The following CASD1 variants were observed in gnomAD, a reference collection of about 807,000 sequenced individuals.
The protein encoded by CASD1 is CAS1 domain sialic acid O acetyltransferase 1.
A neutral mutation model predicts 100.0 loss-of-function variants in CASD1; 41 were observed. That is an observed-to-expected ratio of 0.41 (90% CI 0.32 to 0.53). The LOEUF (loss-of-function observed/expected upper bound fraction) is 0.53, where lower values mean the gene tolerates loss of function less well. Among genes scored for constraint, CASD1 ranks in the 20% least tolerant of loss-of-function variants. The pLI, the probability that CASD1 is intolerant of heterozygous loss-of-function variation, is 0.25. For missense variants in CASD1, 774 were observed against 948.7 expected (o/e 0.82, Z 2.42); for synonymous variants, 321 against 315.6 (o/e 1.02, Z -0.18).
Position 94,510,231 on chromosome 7 carries a change from C to CTG in CASD1, c.133+14_133+15insTG. ...GCCGCTACCGAGGTGAGCGGGCCCT[C>CTG]CCCTCTGCCCGGGCAGGCCGTGGGG... On this transcript the variant is annotated intron_variant, in intron 1 of 17. Coordinates refer to ENST00000297273, the MANE Select transcript of CASD1 (RefSeq NM_022900.5). The CTG allele has an allele frequency of 6.8e-7, 1 of 1,471,226 alleles. No homozygotes were observed. Among genetic ancestry groups the CTG allele is most frequent in the South Asian group, 1.3e-5 (1 of 76,692 alleles). The allele number at this position is 1,471,226 out of a possible 1,614,324, so 91.1% of individuals were successfully genotyped here. A position where few individuals can be genotyped will look rare whatever the true frequency, so the allele number is the denominator to read the frequency against.
the CASD1 span, among the ~76,000 whole-genome samples, chr7:94,610,433 G>C: frequency 2.6e-5 from 4 of 151,760 alleles, no homozygotes; most frequent in African/African-American, 9.7e-5. Flanking sequence ...TGTTGATAAT[G>C]GGGGAGGCGA....
At chr7:94,554,632 T>G in intron 17 of CASD1, 57 bp downstream of exon 17, 3 of 1,073,154 alleles carry the variant, frequency 2.8e-6, no homozygotes, top group Non-Finnish European at 4.3e-6. Flanking sequence ...TGTTTGTGTA[T>G]GTACGTGTGT....
At chr7:94,601,093 A>G in the CASD1 span, among the ~76,000 whole-genome samples, 1 of 152,142 alleles carries the variant, frequency 6.6e-6, no homozygotes, top group Non-Finnish European at 1.5e-5. Context: ...ACATATATAC[A>G]TATACATTTA....
the CASD1 span, among the ~76,000 whole-genome samples, chr7:94,613,577 T>C: frequency 1.3e-5 from 2 of 152,064 alleles, no homozygotes; most frequent in South Asian, 2.1e-4. Context: ...ATCCCAACAA[T>C]TCAATTTCTC....
At chr7:94,569,438 A>G in the CASD1 span, among the ~76,000 whole-genome samples, 1 of 152,162 alleles carries the variant, frequency 6.6e-6, no homozygotes, top group Non-Finnish European at 1.5e-5. Context: ...AGTGAAAAAA[A>G]AATTTCAGAA....
the CASD1 span, among the ~76,000 whole-genome samples, chr7:94,630,913 C>T: frequency 6.6e-6 from 1 of 151,864 alleles, no homozygotes; most frequent in Non-Finnish European, 1.5e-5. Context: ...TTTTTCAGCA[C>T]AAAAATAAAA....
Position 94,552,443 on chromosome 7 carries a change from A to C in CASD1, c.2034+16A>C. 2 of 1,568,226 alleles carry C rather than the reference A, an allele frequency of 1.3e-6. No homozygotes were observed. Among genetic ancestry groups the C allele is most frequent in the Non-Finnish European group, 8.6e-7 (1 of 1,158,376 alleles). ...TGTGGTACAGGTACTATCTTGATTT[A>C]GAGAAATTTCTACATCTTAATTCTT... On this transcript the variant is annotated intron_variant, in intron 16 of 17. Transcript: ENST00000297273.
chr7:94,610,054 A>G, the CASD1 span, among the ~76,000 whole-genome samples: 1 of 152,204 alleles, frequency 6.6e-6, no homozygotes. Context: ...GAGCCATGAA[A>G]CGATATGGAA....
intron 3 of CASD1, among the ~76,000 whole-genome samples, chr7:94,525,835 A>C (rs1418131937): frequency 6.6e-6 from 1 of 152,220 alleles, no homozygotes; most frequent in Non-Finnish European, 1.5e-5. Context: ...ATTTTGTTTC[A>C]TGGAGATTAC....
intron 3 of CASD1, among the ~76,000 whole-genome samples, chr7:94,526,361 C>T (rs1020298258): frequency 2.0e-5 from 3 of 152,202 alleles, no homozygotes; most frequent in Admixed American, 6.5e-5. Context: ...TAGAGAATTG[C>T]CTTGGGAAAT....
At chr7:94,581,819 A>G in the CASD1 span, among the ~76,000 whole-genome samples, 6 of 152,196 alleles carry the variant, frequency 3.9e-5, 1 homozygote, top group South Asian at 1.2e-3. Context: ...TGTTGTGAAT[A>G]GTGCTGCAGT....
intron 3 of CASD1, among the ~76,000 whole-genome samples, chr7:94,521,666 T>A (rs1441965652): frequency 6.6e-6 from 1 of 152,214 alleles, no homozygotes; most frequent in Non-Finnish European, 1.5e-5. Flanking sequence ...CACATGCATG[T>A]ACCATACATA....
intron 4 of CASD1, among the ~76,000 whole-genome samples, chr7:94,527,574 C>G (rs1010653617): frequency 7.9e-5 from 12 of 151,928 alleles, no homozygotes; most frequent in African/African-American, 2.2e-4. Flanking sequence ...ACAAGGATGG[C>G]AGAAAAGAAA....
At chr7:94,602,227 C>A in the CASD1 span, among the ~76,000 whole-genome samples, 1 of 152,042 alleles carries the variant, frequency 6.6e-6, no homozygotes, top group Non-Finnish European at 1.5e-5. Flanking sequence ...CATGATTGAA[C>A]AAATTTTCCT....
chr7:94,615,467 A>T, the CASD1 span, among the ~76,000 whole-genome samples: 1 of 152,116 alleles, frequency 6.6e-6, no homozygotes, highest in African/African-American at 2.4e-5. Flanking sequence ...ACAATTTCAG[A>T]ACTCTACTGA....
intron 10 of CASD1, among the ~76,000 whole-genome samples, chr7:94,539,668 CAAA>C (rs71120400): frequency 3.3e-5 from 4 of 119,742 alleles, no homozygotes; most frequent in Non-Finnish European, 3.4e-5. Context: ...GACTCCGTCT[CAAA>C]AAAAAAAAAA....
the CASD1 span, chr7:94,587,803 C>T: frequency 1.0e-5 from 16 of 1,546,492 alleles, no homozygotes; most frequent in African/African-American, 5.5e-5. Flanking sequence ...AGTTGTCAAA[C>T]GAAAATCTCC....
chr7:94,574,093 G>T, the CASD1 span, among the ~76,000 whole-genome samples: 1 of 152,100 alleles, frequency 6.6e-6, no homozygotes, highest in Admixed American at 6.5e-5. Context: ...TGATTGTGGT[G>T]GATTAGCTTT....
At chr7:94,582,791 A>G in the CASD1 span, among the ~76,000 whole-genome samples, 1 of 152,208 alleles carries the variant, frequency 6.6e-6, no homozygotes, top group East Asian at 1.9e-4. Context: ...ATTTATTTGT[A>G]TGACGACTTA....
Sources: allele counts gnomAD v4.1 joint callset (sites outside exome capture counted in the v4.1 genomes callset), GRCh38; gene constraint gnomAD v4.1.1; transcripts MANE v1.5; gene names NCBI Gene and HGNC (gene_info 2026-07-23, HGNC 2026-07-21).